The following CERKL variants were observed in gnomAD, a reference collection of about 807,000 sequenced individuals.
CERKL encodes the protein ceramide kinase-like protein.
Under a neutral mutation model 63.4 loss-of-function variants are expected in CERKL, and 61 were observed. That is an observed-to-expected ratio of 0.96 (90% CI 0.78 to 1.19). CERKL has a LOEUF of 1.19. Among genes scored for constraint, CERKL ranks in the 50% most tolerant of loss-of-function variants. The probability of loss-of-function intolerance (pLI) is 0.00; values close to 1 mark genes in which losing one functional copy is unlikely to be tolerated. For synonymous variants in CERKL, 250 were observed against 230.5 expected (o/e 1.08, Z -0.77); for missense variants, 675 against 655.5 (o/e 1.03, Z -0.33).
intron 1 of CERKL, among the ~76,000 whole-genome samples, chr2:181,642,926 C>G (rs900973810): frequency 6.6e-6 from 1 of 152,180 alleles, no homozygotes; most frequent in Non-Finnish European, 1.5e-5. Flanking sequence ...ATGGTTTCTT[C>G]CTTTCCAATG....
At chr2:181,643,805 T>G (rs576383570) in intron 1 of CERKL, among the ~76,000 whole-genome samples, 5 of 152,204 alleles carry the variant, frequency 3.3e-5, no homozygotes, top group African/African-American at 1.2e-4. Flanking sequence ...CATTGCCTAA[T>G]CTTACCCATT....
rs921832603 is a variant in CERKL, at chr2:181,539,732, A to G, written c.1366-468T>C. Among the ~76,000 whole-genome samples the G allele has an allele frequency of 2.6e-5, 4 of 152,298 alleles. 1 individual carries two copies. The highest frequency in any genetic ancestry group is 6.8e-3 in the Middle Eastern group (2 of 294). ...GGATGTATGTCTTCTTTTAAAAGAG[A>G]AAGCCAATCAAATATGGATTTTAAA... On this transcript the variant is annotated intron_variant, in intron 11 of 12. Transcript: ENST00000410087.
At chr2:181,644,640 G>A (rs1449179688) in intron 1 of CERKL, among the ~76,000 whole-genome samples, 1 of 152,028 alleles carries the variant, frequency 6.6e-6, no homozygotes, top group South Asian at 2.1e-4. Flanking sequence ...TAACTCTTAC[G>A]ATAGAAATCC....
intron 11 of CERKL, 57 bp downstream of exon 11, chr2:181,544,643 T>C: frequency 1.0e-6 from 1 of 1,003,372 alleles, no homozygotes; most frequent in Non-Finnish European, 1.6e-6. Context: ...TCTTGCAGCA[T>C]CTTTTTCTAC....
intron 3 of CERKL, among the ~76,000 whole-genome samples, chr2:181,572,419 T>C (rs1487053540): frequency 2.6e-5 from 4 of 152,176 alleles, no homozygotes; most frequent in African/African-American, 7.2e-5. Flanking sequence ...GAATGCTATA[T>C]AGCAATATCC....
At position 181,544,787 on chromosome 2, in the gene CERKL, A is replaced by G; in HGVS notation, c.1278T>C (p.Asn426=). 6.3e-7 allele frequency: 1 copy of G among 1,592,982 alleles called. No individual in the cohort carries two copies. The highest frequency in any genetic ancestry group is 1.7e-5 in the Admixed American group (1 of 59,352). Residue 426 remains asparagine, a synonymous_variant, in exon 11 of 13, where the codon AAT becomes AAC. Transcript: ENST00000410087. The stretch of plus-strand genomic sequence containing the variant: ...GGGCAATTATAAGAGCCATACTTCC[A>G]TTATTTAATCTGAAATTAAATATTT... ...RGLAPNTRLN[N]GSMALIIARN...
At chr2:181,618,562 C>A (rs1037112814) in intron 1 of CERKL, among the ~76,000 whole-genome samples, 1 of 151,702 alleles carries the variant, frequency 6.6e-6, no homozygotes, top group Non-Finnish European at 1.5e-5. Context: ...GGATTACAGG[C>A]GCCCACCACC....
In CERKL at chr2:181,566,101, C is replaced by G. The variant is rs757547517; in HGVS notation, c.634G>C (p.Ala212Pro). The G allele has an allele frequency of 1.1e-5, 17 of 1,610,752 alleles. No individual in the cohort carries two copies. Among genetic ancestry groups the G allele is most frequent in the Admixed American group, 1.7e-5 (1 of 59,932 alleles). Residue 212 changes from alanine to proline, a missense_variant, in exon 4 of 13, where the codon GCT becomes CCT. Transcript: ENST00000410087. ...DVTIMEYEGH[A>P]LSLLKECELQ... is the part of the protein sequence containing the mutation. ...TCACATTCCTTAAGCAGTGACAGAG[C>G]GTGCCCTTCATATTCCATTACTATT...
At chr2:181,548,906 T>C in intron 6 of CERKL, 49 bp from the exon 7 acceptor site, 2 of 1,530,526 alleles carry the variant, frequency 1.3e-6, no homozygotes, top group Non-Finnish European at 1.8e-6. Flanking sequence ...AGGACTTGTA[T>C]CAAAACAGCA....
chr2:181,656,415 G>A (rs182863606), intron 1 of CERKL, among the ~76,000 whole-genome samples: 1 of 152,244 alleles, frequency 6.6e-6, no homozygotes, highest in East Asian at 1.9e-4. Context: ...AGGAGTAGTT[G>A]ACCTTCTCAC....
chr2:181,644,522 T>C (rs1559121801), intron 1 of CERKL, among the ~76,000 whole-genome samples: 1 of 152,266 alleles, frequency 6.6e-6, no homozygotes. Flanking sequence ...TATATTATAA[T>C]GGCAGCATCC....
chr2:181,599,778 T>C lies in CERKL; in HGVS notation c.481+4059A>G, dbSNP rs113938395. On this transcript the variant is annotated intron_variant, in intron 2 of 12. Coordinates refer to ENST00000410087, the MANE Select transcript of CERKL (RefSeq NM_201548.5). The stretch of plus-strand genomic sequence containing the variant: ...GAAGAAGTAAGCAAATTGGAAAACA[T>C]ATTTGAGGCAATAATTCAGGAAAAT... 8.0e-3 allele frequency among the ~76,000 whole-genome samples: 1,224 copies of C among 152,082 alleles called. 19 individuals carry two copies. The highest frequency in any genetic ancestry group is 0.028 in the African/African-American group (1,152 of 41,474).
intron 2 of CERKL, among the ~76,000 whole-genome samples, chr2:181,589,091 T>TCAAC (rs1294192808): frequency 3.9e-5 from 6 of 152,184 alleles, no homozygotes; most frequent in South Asian, 2.1e-4. Flanking sequence ...TTTGATGTAA[T>TCAAC]CCAACGTACC....
intron 1 of CERKL, among the ~76,000 whole-genome samples, chr2:181,604,654 G>GT (rs1685603330): frequency 6.6e-6 from 1 of 152,118 alleles, no homozygotes; most frequent in African/African-American, 2.4e-5. Context: ...TAAGGATAGA[G>GT]TAAAGTAACA....
intron 1 of CERKL, among the ~76,000 whole-genome samples, chr2:181,613,857 C>T (rs780147514): frequency 1.3e-5 from 2 of 152,134 alleles, no homozygotes; most frequent in Non-Finnish European, 2.9e-5. Flanking sequence ...TCACAAGAGT[C>T]ACTTGATTTT....
At position 181,631,496 on chromosome 2, in the gene CERKL, C is replaced by T. The variant is rs537341228; in HGVS notation, c.238+25273G>A. Among the ~76,000 whole-genome samples, 3 of 152,234 alleles carry T rather than the reference C, an allele frequency of 2.0e-5. No homozygotes were observed. The South Asian group carries it at 6.2e-4, about 32-fold the overall frequency. Reference sequence around the variant, plus strand: ...CACTTCACATCTCATTCCCTTTACACCCCTCCACCCCACCTTCCCCCATGC... The same window carrying T: ...CACTTCACATCTCATTCCCTTTACATCCCTCCACCCCACCTTCCCCCATGC... On this transcript the variant is annotated intron_variant, in intron 1 of 12. Transcript: ENST00000410087.
chr2:181,562,722 AAG>A (rs1688499588), intron 4 of CERKL, among the ~76,000 whole-genome samples: 1 of 152,160 alleles, frequency 6.6e-6, no homozygotes, highest in South Asian at 2.1e-4. Context: ...TCCTTTTTCA[AAG>A]AGTGATAAAG....
At chr2:181,544,658 T>C in intron 11 of CERKL, 42 bp downstream of exon 11, 1 of 1,161,756 alleles carries the variant, frequency 8.6e-7, no homozygotes, top group Non-Finnish European at 1.3e-6. Flanking sequence ...TTCTACATGA[T>C]TAATAGCTTT....
chr2:181,572,601 TTC>T (rs1386100046), intron 3 of CERKL, among the ~76,000 whole-genome samples: 2 of 152,120 alleles, frequency 1.3e-5, no homozygotes, highest in Non-Finnish European at 2.9e-5. Flanking sequence ...AATCTGAATT[TTC>T]TCTTTTACTT....
Sources: allele counts gnomAD v4.1 joint callset (sites outside exome capture counted in the v4.1 genomes callset), GRCh38; gene constraint gnomAD v4.1.1; transcripts MANE v1.5; gene names NCBI Gene and HGNC (gene_info 2026-07-23, HGNC 2026-07-21).